The following PHF8 variants were observed in gnomAD, a reference collection of about 807,000 sequenced individuals.
The protein encoded by PHF8 is histone lysine demethylase PHF8.
Under a neutral mutation model 74.4 loss-of-function variants are expected in PHF8, and 9 were observed. The ratio of observed to expected loss-of-function variants is 0.12; its 90% confidence interval spans 0.07 to 0.21. The LOEUF (loss-of-function observed/expected upper bound fraction) is 0.21, where lower values mean the gene tolerates loss of function less well. Among genes scored for constraint, PHF8 ranks in the 10% least tolerant of loss-of-function variants. PHF8 has a pLI of 1.00. For missense variants in PHF8, 478 were observed against 816.6 expected (o/e 0.59, Z 5.05); for synonymous variants, 311 against 316.6 (o/e 0.98, Z 0.19).
intron 20 of PHF8, among the ~76,000 whole-genome samples, chrX:53,943,570 A>C (rs1274646184): frequency 8.9e-6 from 1 of 112,072 alleles, no homozygotes; most frequent in Non-Finnish European, 1.9e-5. Flanking sequence ...TAACCAGAGA[A>C]TTCACCTCCA....
intron 18 of PHF8, among the ~76,000 whole-genome samples, chrX:53,975,879 C>T (rs782450427): frequency 8.0e-5 from 9 of 111,999 alleles, no homozygotes; most frequent in Non-Finnish European, 1.7e-4. Context: ...ATGTTTCTGA[C>T]ACAAAAATAA....
intron 4 of PHF8, 32 bp from the exon 5 acceptor site, chrX:54,017,853 G>A (rs782649669): frequency 8.4e-7 from 1 of 1,194,782 alleles, no homozygotes; most frequent in East Asian, 3.0e-5. Context: ...GCTTGAGCCT[G>A]AGGCCCTGCC....
intron 2 of PHF8, chrX:54,040,071 C>T (rs2066527378): frequency 8.9e-6 from 1 of 112,120 alleles, no homozygotes; most frequent in Non-Finnish European, 1.9e-5. Context: ...AAGCAGGTCT[C>T]ACTATAAGAG....
intron 8 of PHF8, among the ~76,000 whole-genome samples, chrX:54,006,794 C>A (rs781921277): frequency 9.1e-6 from 1 of 109,508 alleles, no homozygotes; most frequent in South Asian, 4.0e-4. Context: ...AAAAATTAGC[C>A]GGGCATGGTG....
intron 18 of PHF8, among the ~76,000 whole-genome samples, chrX:53,981,214 AAAAC>A (rs1458962626): frequency 5.3e-5 from 6 of 112,399 alleles, no homozygotes; most frequent in Admixed American, 2.9e-4. Flanking sequence ...ACTCGGTCTC[AAAAC>A]AAACAAACAA....
intron 10 of PHF8, among the ~76,000 whole-genome samples, chrX:54,000,624 T>C (rs782442387): frequency 2.7e-5 from 3 of 112,799 alleles, no homozygotes; most frequent in Non-Finnish European, 5.6e-5. Context: ...CCTGAGATTC[T>C]TTATAACTCA....
At chrX:53,989,395 T>C (rs2065623755) in intron 14 of PHF8, among the ~76,000 whole-genome samples, 1 of 111,989 alleles carries the variant, frequency 8.9e-6, no homozygotes, top group Non-Finnish European at 1.9e-5. Context: ...CTGGTTGAAA[T>C]GAACATTGCC....
At chrX:53,960,540 G>T (rs918662831) in intron 19 of PHF8, among the ~76,000 whole-genome samples, 2 of 107,353 alleles carry the variant, frequency 1.9e-5, no homozygotes, top group African/African-American at 3.4e-5. Flanking sequence ...ATGAGGTCAG[G>T]AGTTCAAGAC....
At chrX:54,010,009 A>G (rs1273652450) in intron 8 of PHF8, among the ~76,000 whole-genome samples, 1 of 109,621 alleles carries the variant, frequency 9.1e-6, no homozygotes, top group Non-Finnish European at 1.9e-5. Flanking sequence ...GAAGACATCA[A>G]AAGGGTAATA....
chrX:53,995,412 G>T (rs1402133378), intron 12 of PHF8, among the ~76,000 whole-genome samples: 1 of 112,058 alleles, frequency 8.9e-6, no homozygotes, highest in Non-Finnish European at 1.9e-5. Flanking sequence ...CCCCATTTTA[G>T]AGATGAGGAA....
rs183249288 is a variant in PHF8 at position 53,942,448 on chromosome X, C to T, written c.2649+1686G>A. On this transcript the variant is annotated intron_variant, in intron 20 of 21. Coordinates refer to ENST00000338154, the MANE Select transcript of PHF8 (RefSeq NM_015107.3). ...TGACTCTAGAATCCATTCTTATAAT[C>T]ATTACTTATTTTAACTAATTCCCCA... 5.4e-5 allele frequency among the ~76,000 whole-genome samples: 6 copies of T among 112,013 alleles called. No individual in the cohort carries two copies. In the East Asian group the frequency reaches 1.4e-3, roughly 26 times the overall value.
At chrX:54,010,242 G>C (rs2065963862) in intron 8 of PHF8, among the ~76,000 whole-genome samples, 1 of 110,837 alleles carries the variant, frequency 9.0e-6, no homozygotes, top group Non-Finnish European at 1.9e-5. Flanking sequence ...AATCTCTTGA[G>C]CCTGGGATGC....
chrX:53,943,157 C>T, intron 20 of PHF8: 1 of 854,845 alleles, frequency 1.2e-6, no homozygotes, highest in Non-Finnish European at 1.5e-6. Context: ...AACAGTAGAA[C>T]CCCCTTTTTC....
At chrX:54,044,504 C>T, upstream of PHF8, 3 of 601,365 alleles carry the variant, frequency 5.0e-6, no homozygotes, top group Non-Finnish European at 6.0e-6. Flanking sequence ...GAACCGCGAG[C>T]CGCCGGCTCC....
intron 18 of PHF8, among the ~76,000 whole-genome samples, chrX:53,967,283 T>G (rs868910249): frequency 2.9e-5 from 1 of 34,166 alleles, no homozygotes. Flanking sequence ...GTCAGCCCCC[T>G]GCCCGGCCAG....
intron 18 of PHF8, among the ~76,000 whole-genome samples, chrX:53,978,797 CAAAAA>C (rs34127297): frequency 2.3e-5 from 1 of 42,877 alleles, no homozygotes. Context: ...GGCTCCATCT[CAAAAA>C]AAAAAAAAAA....
chrX:53,952,887 C>CAAAA (rs781901722), intron 19 of PHF8, among the ~76,000 whole-genome samples: 3 of 44,777 alleles, frequency 6.7e-5, no homozygotes, highest in Admixed American at 3.0e-4. Context: ...GACTCTGCCT[C>CAAAA]AAAAAAAAAA....
intron 19 of PHF8, among the ~76,000 whole-genome samples, chrX:53,958,028 T>A (rs2065039578): frequency 9.5e-6 from 1 of 105,051 alleles, no homozygotes; most frequent in African/African-American, 3.8e-5. Flanking sequence ...ACTTCTGCAA[T>A]AAGTATCAAG....
intron 19 of PHF8, among the ~76,000 whole-genome samples, chrX:53,959,249 A>G (rs782378738): frequency 9.0e-6 from 1 of 111,711 alleles, no homozygotes; most frequent in South Asian, 3.8e-4. Flanking sequence ...TGGTTCACAG[A>G]AGGTTACAAA....
Sources: gnomAD v4.1 joint callset for allele counts (sites outside exome capture counted in the v4.1 genomes callset) on GRCh38, gnomAD v4.1.1 for gene constraint, MANE v1.5 for transcripts, NCBI Gene and HGNC (gene_info 2026-07-23, HGNC 2026-07-21) for gene names.